Variants in CRYBG3 observed in about 807,000 individuals in gnomAD.
CRYBG3 encodes the protein very large A-kinase anchor protein.
A neutral mutation model predicts 244.2 loss-of-function variants in CRYBG3; 127 were observed. That is an observed-to-expected ratio of 0.52 (90% CI 0.45 to 0.60). CRYBG3 has a LOEUF of 0.60. Ranked by LOEUF, CRYBG3 falls within the 20% of genes least tolerant of loss-of-function variation. The pLI, the probability that CRYBG3 is intolerant of heterozygous loss-of-function variation, is 0.00. For synonymous variants in CRYBG3, 1,132 were observed against 1,195.8 expected (o/e 0.95, Z 1.10); for missense variants, 3,325 against 3,442.5 (o/e 0.97, Z 0.85).
At chr3:97,903,733 C>A (rs1001674158) in intron 15 of CRYBG3, among the ~76,000 whole-genome samples, 1 of 152,108 alleles carries the variant, frequency 6.6e-6, no homozygotes, top group Non-Finnish European at 1.5e-5. Context: ...TATATTACCA[C>A]ATATTGTTAG....
At chr3:97,837,317 G>A (rs2038748391) in intron 1 of CRYBG3, among the ~76,000 whole-genome samples, 1 of 152,128 alleles carries the variant, frequency 6.6e-6, no homozygotes, top group African/African-American at 2.4e-5. Context: ...GGGCTCTGTG[G>A]TGAGGAGGAA....
intron 1 of CRYBG3, among the ~76,000 whole-genome samples, chr3:97,826,782 T>C (rs1189511193): frequency 1.3e-5 from 2 of 152,242 alleles, no homozygotes; most frequent in African/African-American, 4.8e-5. Flanking sequence ...TATGCCTTCA[T>C]AGAATTCACA....
intron 12 of CRYBG3, 113 bp from the exon 13 acceptor site, chr3:97,898,770 T>C: frequency 1.5e-6 from 1 of 662,934 alleles, no homozygotes. Flanking sequence ...AAATTCTTCC[T>C]GGAGTTATTT....
At chr3:97,827,452 G>T (rs1009143058) in intron 1 of CRYBG3, among the ~76,000 whole-genome samples, 2 of 152,158 alleles carry the variant, frequency 1.3e-5, no homozygotes, top group African/African-American at 4.8e-5. Context: ...GTTGTACGTG[G>T]CCAAGTAATG....
intron 7 of CRYBG3, among the ~76,000 whole-genome samples, chr3:97,883,641 A>T (rs1559732360): frequency 1.3e-5 from 2 of 149,648 alleles, no homozygotes; most frequent in African/African-American, 2.4e-5. Flanking sequence ...TCTCGGAATC[A>T]TTTTTTTTTT....
chr3:97,857,714 A>G (rs1470220464), intron 2 of CRYBG3, among the ~76,000 whole-genome samples: 1 of 151,906 alleles, frequency 6.6e-6, no homozygotes, highest in Non-Finnish European at 1.5e-5. Flanking sequence ...GTGTCTCTAT[A>G]TGTGAAGTGA....
chr3:97,940,359 T>C (rs2040213641), intron 19 of CRYBG3, among the ~76,000 whole-genome samples: 2 of 152,060 alleles, frequency 1.3e-5, no homozygotes, highest in African/African-American at 4.8e-5. Flanking sequence ...GTTCACCTTA[T>C]TTGTAAAACT....
At chr3:97,932,990 T>C (rs2040115299) in intron 17 of CRYBG3, 1 of 348,984 alleles carries the variant, frequency 2.9e-6, no homozygotes, top group Non-Finnish European at 5.5e-6. Flanking sequence ...CTGGATTACA[T>C]TACAATATCT....
chr3:97,874,583 G>A lies in CRYBG3; in HGVS notation c.3389G>A (p.Gly1130Glu), dbSNP rs1045871956. ...GTAACCCCATTTCAGGAACATTTTG[G>A]GATTTATACTGGGAAGATATCCATT... Reference protein sequence around the residue: ...TEVTPFQEHFGIYTGKISIDF... With the variant: ...TEVTPFQEHFEIYTGKISIDF... Residue 1130 changes from glycine to glutamate, a missense_variant, in exon 4 of 22, where the codon GGG becomes GAG. Gly to Glu is a moderately conservative substitution (Grantham distance 98). Transcript: ENST00000389622. 87 of 1,535,820 alleles carry A rather than the reference G, an allele frequency of 5.7e-5. No individual in the cohort carries two copies. The highest frequency in any genetic ancestry group is 7.4e-5 in the Non-Finnish European group (85 of 1,146,854).
chr3:97,871,825 A>C lies in CRYBG3; in HGVS notation c.648-17A>C, dbSNP rs1286880981. The C allele has an allele frequency of 2.7e-6, 4 of 1,461,892 alleles. No homozygotes were observed. In the African/African-American group the frequency reaches 5.7e-5, roughly 21 times the overall value. 90.6% of individuals were successfully genotyped at this position (1,461,892 alleles called of 1,614,324 possible). ...ATTAATTATATTTCCTGATACTCTCATGCTTTCTTTTTACAGACAAATCGA... is the reference window on the plus strand; with the variant it reads ...ATTAATTATATTTCCTGATACTCTCCTGCTTTCTTTTTACAGACAAATCGA... On this transcript the variant is annotated splice_polypyrimidine_tract_variant and intron_variant, in intron 3 of 21. Coordinates refer to ENST00000389622, the MANE Select transcript of CRYBG3 (RefSeq NM_153605.4).
chr3:97,914,595 A>C (rs1333260296), intron 16 of CRYBG3, among the ~76,000 whole-genome samples: 1 of 152,158 alleles, frequency 6.6e-6, no homozygotes, highest in East Asian at 1.9e-4. Flanking sequence ...AGGCAAAATG[A>C]GTCATCGCTC....
At chr3:97,846,023 C>T (rs994460860) in intron 2 of CRYBG3, among the ~76,000 whole-genome samples, 7 of 152,218 alleles carry the variant, frequency 4.6e-5, no homozygotes, top group South Asian at 2.1e-4. Flanking sequence ...CTGTGTCTGG[C>T]GCACGTGTCA....
At chr3:97,900,989 G>A (rs1317057336) in intron 15 of CRYBG3, among the ~76,000 whole-genome samples, 1 of 152,096 alleles carries the variant, frequency 6.6e-6, no homozygotes, top group Non-Finnish European at 1.5e-5. Context: ...CCCAACATTT[G>A]CTTATTTTCT....
chr3:97,857,417 GTTTTTTT>G (rs1284270197), intron 2 of CRYBG3, among the ~76,000 whole-genome samples: 1 of 131,030 alleles, frequency 7.6e-6, no homozygotes, highest in African/African-American at 2.8e-5. Context: ...ATTTCCTTAA[GTTTTTTT>G]TTTTTTTTTT....
Position 97,875,353 on chromosome 3 carries a change from G to C in CRYBG3, c.4159G>C (p.Ala1387Pro). ...LNEFFSLSNL[A>P]SGTESIKGGE... Reference sequence around the variant, plus strand: ...TGAATTCTTCTCCCTAAGTAACTTAGCTAGTGGCACAGAGTCAATTAAGGG... The same window carrying C: ...TGAATTCTTCTCCCTAAGTAACTTACCTAGTGGCACAGAGTCAATTAAGGG... Residue 1387 changes from alanine to proline, a missense_variant, in exon 4 of 22, where the codon GCT becomes CCT. By Grantham distance (27) the Ala-to-Pro change is conservative. Around this residue, in one of 4 missense-constraint regions of CRYBG3, gnomAD observed 635 missense variants for 771.7 expected, o/e 0.82. Transcript: ENST00000389622. 3.5e-6 allele frequency: 5 copies of C among 1,426,536 alleles called. No homozygotes were observed. In the South Asian group the frequency reaches 7.8e-5, roughly 22 times the overall value. 88.4% of individuals were successfully genotyped at this position (1,426,536 alleles called of 1,614,324 possible).
intron 1 of CRYBG3, among the ~76,000 whole-genome samples, chr3:97,831,052 C>T (rs1228164346): frequency 1.3e-5 from 2 of 152,142 alleles, no homozygotes; most frequent in Non-Finnish European, 2.9e-5. Flanking sequence ...GGAGAAATGA[C>T]ATCGAAATTT....
chr3:97,925,706 TG>T lies in CRYBG3; in HGVS notation c.8242-7986del, dbSNP rs547778214. ...TGAGCATAGTGGTCACCTCTGGGGG[TG>T]GTGGGAGTTTAAATTCATCTGTATT... is the stretch of plus-strand genomic sequence containing the variant. On this transcript the variant is annotated intron_variant, in intron 17 of 21. Transcript: ENST00000389622. Among the ~76,000 whole-genome samples the T allele has an allele frequency of 2.7e-4, 41 of 151,978 alleles. 1 individual carries two copies. The South Asian group carries it at 3.7e-3, about 14-fold the overall frequency.
rs2039373183 is a variant in CRYBG3, at chr3:97,876,455, A to T, written c.5261A>T (p.Glu1754Val). 10 of 1,232,130 alleles carry T rather than the reference A, an allele frequency of 8.1e-6. No homozygotes were observed. The highest frequency in any genetic ancestry group is 1.0e-5 in the Non-Finnish European group (10 of 987,968). The allele number at this position is 1,232,130 out of a possible 1,614,324, so 76.3% of individuals were successfully genotyped here. Reference protein sequence around the residue: ...KDTERDGGKTEVMPLALEVVN... With the variant: ...KDTERDGGKTVVMPLALEVVN... ...ACTGAAAGAGACGGTGGCAAAACTGAGGTGATGCCCCTTGCATTAGAGGTA... is the reference window on the plus strand; with the variant it reads ...ACTGAAAGAGACGGTGGCAAAACTGTGGTGATGCCCCTTGCATTAGAGGTA... The change falls in exon 4 of 22, where the codon GAG (glutamate) becomes GTG (valine). Residue 1754 changes from glutamate (E) to valine (V), a missense_variant. Physicochemically the swap from Glu to Val is moderately radical, Grantham distance 121. Transcript: ENST00000389622.
intron 1 of CRYBG3, among the ~76,000 whole-genome samples, chr3:97,829,013 A>G (rs568006941): frequency 6.6e-6 from 1 of 152,226 alleles, no homozygotes; most frequent in African/African-American, 2.4e-5. Flanking sequence ...GAGAGGCAGG[A>G]GAAAGACTGT....
Sources: gnomAD v4.1 joint callset for allele counts (sites outside exome capture counted in the v4.1 genomes callset) on GRCh38, gnomAD v4.1.1 for gene constraint, gnomAD v4.1.1 regional missense constraint, MANE v1.5 for transcripts, NCBI Gene and HGNC (gene_info 2026-07-23, HGNC 2026-07-21) for gene names.